The following DMD variants were observed in gnomAD, a reference collection of about 807,000 sequenced individuals.
DMD encodes the protein dystrophin, also known as mutant dystrophin.
A neutral mutation model predicts 330.1 loss-of-function variants in DMD; 63 were observed. The observed-to-expected ratio is 0.19, with a 90% CI of 0.16 to 0.24. DMD has a LOEUF of 0.24. DMD is among the 10% of genes least tolerant of loss of function. DMD has a pLI of 1.00. For synonymous variants in DMD, 1,223 were observed against 959.8 expected, an observed-to-expected ratio of 1.27 and a Z score of -5.07; for missense variants, 3,344 against 2,684.1, an observed-to-expected ratio of 1.25 and a Z score of -5.43.
intron 30 of DMD, among the ~76,000 whole-genome samples, chrX:32,399,585 T>C (rs1380551715): frequency 9.0e-6 from 1 of 110,852 alleles, no homozygotes; most frequent in African/African-American, 3.3e-5. Context: ...CAATAACAAA[T>C]GTTGGCGAGG....
intron 41 of DMD, among the ~76,000 whole-genome samples, chrX:32,337,909 G>GC (rs2097723257): frequency 9.0e-6 from 1 of 110,926 alleles, no homozygotes; most frequent in Admixed American, 9.7e-5. Context: ...ATTTTATACA[G>GC]CTTTACATCG....
chrX:32,308,443 A>G (rs952810121), intron 42 of DMD, among the ~76,000 whole-genome samples: 1 of 110,850 alleles, frequency 9.0e-6, no homozygotes, highest in African/African-American at 3.3e-5. Context: ...AACAGGAAAT[A>G]CATATTCACT....
chrX:32,290,489 A>G (rs1401417191), intron 42 of DMD, among the ~76,000 whole-genome samples: 3 of 112,479 alleles, frequency 2.7e-5, no homozygotes, highest in African/African-American at 3.2e-5. Context: ...AATTTAATCC[A>G]TAATGTTTTG....
chrX:33,320,315 G>T (rs2053997174), intron 1 of DMD, among the ~76,000 whole-genome samples: 1 of 111,503 alleles, frequency 9.0e-6, no homozygotes, highest in African/African-American at 3.3e-5. Flanking sequence ...AAGTAAGCGG[G>T]TTAGAGGGTA....
At chrX:33,024,184 A>C (rs1395780083) in intron 1 of DMD, among the ~76,000 whole-genome samples, 1 of 111,971 alleles carries the variant, frequency 8.9e-6, no homozygotes, top group Admixed American at 9.5e-5. Flanking sequence ...AAACATATTA[A>C]TGTGCAATCA....
chrX:32,975,582 A>G (rs2092526484), intron 2 of DMD, among the ~76,000 whole-genome samples: 1 of 110,655 alleles, frequency 9.0e-6, no homozygotes, highest in African/African-American at 3.3e-5. Context: ...TCTGGCACCC[A>G]GTCATGGCCT....
intron 2 of DMD, among the ~76,000 whole-genome samples, chrX:32,995,077 C>T (rs1168818739): frequency 1.8e-5 from 2 of 111,892 alleles, no homozygotes; most frequent in African/African-American, 6.5e-5. Context: ...TGCACTCCAA[C>T]CTGAGTGACG....
At chrX:32,853,922 G>A (rs889002101) in intron 2 of DMD, among the ~76,000 whole-genome samples, 1 of 111,232 alleles carries the variant, frequency 9.0e-6, no homozygotes, top group East Asian at 2.8e-4. Flanking sequence ...AAAAGAACAG[G>A]AGTAGCTATT....
At chrX:32,011,475 G>T (rs186857246) in intron 44 of DMD, among the ~76,000 whole-genome samples, 10 of 112,045 alleles carry the variant, frequency 8.9e-5, no homozygotes, top group African/African-American at 3.2e-4. Flanking sequence ...GACTTCTCTG[G>T]ATGGAATACG....
At position 32,463,526 on chromosome X, in the gene DMD, T is replaced by C; in HGVS notation, c.3345A>G (p.Ile1115Met). 1 of 1,203,779 alleles carries C rather than the reference T, an allele frequency of 8.3e-7. No homozygotes were observed. The highest frequency in any genetic ancestry group is 1.8e-5 in the South Asian group (1 of 55,556). The change falls in exon 25 of 79, where the codon ATA (isoleucine) becomes ATG (methionine). Residue 1115 changes from isoleucine (I) to methionine (M), a missense_variant. By Grantham distance (10) the Ile-to-Met change is conservative (BLOSUM62 1). Transcript: ENST00000357033. ...LNSVNEGGQKIKNEAEPEFAS... is the reference protein window; with the variant it reads ...LNSVNEGGQKMKNEAEPEFAS... ...CAAACTCTGGCTCTGCTTCATTCTT[T>C]ATCTTCTGCCCACCTTCATTGACAC...
chrX:32,655,376 T>C (rs1018875490), intron 9 of DMD, among the ~76,000 whole-genome samples: 5 of 112,568 alleles, frequency 4.4e-5, no homozygotes, highest in African/African-American at 1.6e-4. Context: ...TCTTTATTTC[T>C]GCCTTCATTT....
At chrX:32,275,346 C>T (rs999288906) in intron 43 of DMD, among the ~76,000 whole-genome samples, 9 of 111,783 alleles carry the variant, frequency 8.1e-5, no homozygotes, top group African/African-American at 2.9e-4. Context: ...CAAGTTGATG[C>T]TATCAAATTA....
intron 7 of DMD, among the ~76,000 whole-genome samples, chrX:32,701,426 T>C (rs147982304): frequency 0.017 from 1,958 of 112,060 alleles, 46 homozygotes; most frequent in African/African-American, 0.06. Context: ...ATTTTGTGCA[T>C]GAACACTGCC....
chrX:32,449,144 C>G (rs73451738), intron 26 of DMD, among the ~76,000 whole-genome samples: 2 of 110,395 alleles, frequency 1.8e-5, no homozygotes, highest in African/African-American at 6.6e-5. Flanking sequence ...AAGTTTCGTT[C>G]GAGAATTGAA....
intron 1 of DMD, among the ~76,000 whole-genome samples, chrX:33,168,331 C>T (rs923516383): frequency 9.1e-6 from 1 of 110,388 alleles, no homozygotes; most frequent in Non-Finnish European, 1.9e-5. Context: ...CGTTGGGATC[C>T]TACAATCCTG....
At chrX:32,655,017 C>T (rs1178211045) in intron 9 of DMD, among the ~76,000 whole-genome samples, 3 of 111,271 alleles carry the variant, frequency 2.7e-5, no homozygotes, top group Non-Finnish European at 5.7e-5. Context: ...TTTTTTATTG[C>T]ATCTATTTGA....
intron 34 of DMD, among the ~76,000 whole-genome samples, chrX:32,370,855 A>G (rs6628713): frequency 0.44 from 48,445 of 109,962 alleles, 8,142 homozygotes; most frequent in East Asian, 0.76. Flanking sequence ...TCTTACTGTT[A>G]TAAAAAATAT....
At chrX:32,896,552 T>TCTA (rs1457993248) in intron 2 of DMD, among the ~76,000 whole-genome samples, 1 of 111,229 alleles carries the variant, frequency 9.0e-6, no homozygotes, top group Non-Finnish European at 1.9e-5. Flanking sequence ...ACTGATGGGG[T>TCTA]CTAGGGATAG....
At chrX:33,101,492 G>A (rs1256079307) in intron 1 of DMD, among the ~76,000 whole-genome samples, 3 of 111,737 alleles carry the variant, frequency 2.7e-5, no homozygotes, top group East Asian at 5.7e-4. Flanking sequence ...TTAGCTGGGC[G>A]TGGTGGCACA....
Sources: gnomAD v4.1 joint callset for allele counts (sites outside exome capture counted in the v4.1 genomes callset) on GRCh38, gnomAD v4.1.1 for gene constraint, MANE v1.5 for transcripts, NCBI Gene and HGNC (gene_info 2026-07-23, HGNC 2026-07-21) for gene names.